The following SMARCAL1 variants were observed in gnomAD, a reference collection of about 807,000 sequenced individuals.
The protein encoded by SMARCAL1 is SNF2 related chromatin remodeling annealing helicase 1.
In SMARCAL1, 58 loss-of-function variants were observed where a neutral mutation model predicts 94.5. The observed-to-expected ratio is 0.61, with a 90% CI of 0.50 to 0.76. The LOEUF is 0.76. Ranked by LOEUF, SMARCAL1 falls within the 30% of genes least tolerant of loss-of-function variation. The pLI, the probability that SMARCAL1 is intolerant of heterozygous loss-of-function variation, is 0.00. For synonymous variants in SMARCAL1, 422 were observed against 455.1 expected, an observed-to-expected ratio of 0.93 and a Z score of 0.93; for missense variants, 1,051 against 1,177.9, an observed-to-expected ratio of 0.89 and a Z score of 1.58.
intron 6 of SMARCAL1, among the ~76,000 whole-genome samples, chr2:216,426,837 CAT>C (rs1475963620): frequency 6.6e-6 from 1 of 152,182 alleles, no homozygotes; most frequent in East Asian, 1.9e-4. Context: ...TGTCCTTCCT[CAT>C]GAGTGAAATT....
chr2:216,451,045 T>G lies in SMARCAL1; in HGVS notation c.2051T>G (p.Met684Arg). 6.2e-7 allele frequency: 1 copy of G among 1,614,110 alleles called. No individual in the cohort carries two copies. The highest frequency in any genetic ancestry group is 1.1e-5 in the South Asian group (1 of 91,074). ...RAALDAAAKE[M>R]TTKDKTKQQQ... ...GCCCTGGATGCTGCAGCCAAGGAAA[T>G]GACCACCAAGGACAAAACTGTGAGT... The change falls in exon 12 of 18, where the codon ATG becomes AGG. Residue 684 changes from methionine (M) to arginine (R), a missense_variant. By Grantham distance (91) the Met-to-Arg change is moderately conservative (BLOSUM62 -1). Transcript: ENST00000357276.
intron 10 of SMARCAL1, chr2:216,446,759 CT>C: frequency 1.6e-6 from 1 of 615,092 alleles, no homozygotes; most frequent in South Asian, 1.5e-5. Flanking sequence ...GGCTTGCAGT[CT>C]AACAAGGGAG....
intron 13 of SMARCAL1, among the ~76,000 whole-genome samples, chr2:216,466,722 GA>G (rs761296253): frequency 7.9e-5 from 12 of 152,156 alleles, no homozygotes; most frequent in South Asian, 2.1e-4. Flanking sequence ...TCACCAAGTG[GA>G]TTTTGTGGCC....
chr2:216,438,527 C>T (rs780197994), intron 10 of SMARCAL1, 42 bp downstream of exon 10: 1 of 1,566,924 alleles, frequency 6.4e-7, no homozygotes, highest in African/African-American at 1.3e-5. Context: ...CATTGGCATC[C>T]CATAATATTT....
intron 9 of SMARCAL1, among the ~76,000 whole-genome samples, chr2:216,437,557 A>C (rs988048839): frequency 6.6e-6 from 1 of 152,210 alleles, no homozygotes; most frequent in Non-Finnish European, 1.5e-5. Context: ...TCAGACTCAC[A>C]GCAACCTAAT....
intron 10 of SMARCAL1, among the ~76,000 whole-genome samples, chr2:216,440,731 A>G (rs905295584): frequency 6.6e-6 from 1 of 152,078 alleles, no homozygotes; most frequent in Non-Finnish European, 1.5e-5. Flanking sequence ...TTTCGTCTAG[A>G]TTGGAGTCTC....
chr2:216,477,644 G>A (rs189585755), intron 16 of SMARCAL1, among the ~76,000 whole-genome samples: 242 of 152,262 alleles, frequency 1.6e-3, no homozygotes, highest in Middle Eastern at 6.8e-3. Context: ...GGGAGAAAGT[G>A]GCTTACCCTG....
At chr2:216,416,437 A>G (rs575140015) in intron 4 of SMARCAL1, 130 bp downstream of exon 4, 3 of 770,518 alleles carry the variant, frequency 3.9e-6, no homozygotes, top group East Asian at 2.6e-5. Context: ...ACCCCCCCCA[A>G]CACTCCTTCC....
Position 216,413,389 on chromosome 2 carries a change from A to T in SMARCAL1, c.-95-467A>T, listed in dbSNP as rs1259042789. Among the ~76,000 whole-genome samples the T allele has an allele frequency of 2.6e-5, 4 of 152,222 alleles. No individual in the cohort carries two copies. The East Asian group carries it at 7.7e-4, about 29-fold the overall frequency. The stretch of plus-strand genomic sequence containing the variant: ...GTAAACATGTCTCAGCTCATAGGAA[A>T]ATAAATGTTCCGGGTAAATTCATGG... On this transcript the variant is annotated intron_variant, in intron 1 of 17. Transcript: ENST00000357276.
In SMARCAL1 at chr2:216,425,552, C is replaced by T. The variant is rs113578050; in HGVS notation, c.1147+1869C>T. ...GAGCATGTCACTGCCTGCAGCTTGG[C>T]GAGCAGACCAAGAATGTGTTATAGC... On this transcript the variant is annotated intron_variant, in intron 6 of 17. Transcript: ENST00000357276. Among the ~76,000 whole-genome samples the T allele has an allele frequency of 3.1e-3, 474 of 152,312 alleles. 1 individual carries two copies. Among genetic ancestry groups the T allele is most frequent in the African/African-American group, 0.011 (458 of 41,568 alleles).
At chr2:216,479,576 T>G in intron 17 of SMARCAL1, among the ~76,000 whole-genome samples, 1 of 128,184 alleles carries the variant, frequency 7.8e-6, no homozygotes, top group Non-Finnish European at 1.7e-5. Flanking sequence ...TTGCAAGGAT[T>G]TATTTGCTAA....
At chr2:216,431,352 C>T (rs1192789208) in intron 7 of SMARCAL1, among the ~76,000 whole-genome samples, 6 of 152,170 alleles carry the variant, frequency 3.9e-5, no homozygotes, top group Non-Finnish European at 8.8e-5. Context: ...GGATTCTGAG[C>T]AAATGATCTA....
At position 216,432,685 on chromosome 2, in the gene SMARCAL1, G is replaced by C. The variant is rs549148200; in HGVS notation, c.1335-33G>C. The C allele has an allele frequency of 2.5e-6, 4 of 1,613,868 alleles. No individual in the cohort carries two copies. In the African/African-American group the frequency reaches 4.0e-5, roughly 16 times the overall value. ...GAGGGCAGATGAACTCATGCCCCGG[G>C]AAATGTGCCATCCTCACCTTGTCTG... On this transcript the variant is annotated intron_variant, in intron 7 of 17. Transcript: ENST00000357276.
intron 12 of SMARCAL1, among the ~76,000 whole-genome samples, chr2:216,461,343 T>C (rs1694696990): frequency 6.6e-6 from 1 of 151,912 alleles, no homozygotes; most frequent in Non-Finnish European, 1.5e-5. Flanking sequence ...TTTCTATAAT[T>C]ATGTGTGTAT....
At chr2:216,443,568 C>T (rs756493568) in intron 10 of SMARCAL1, among the ~76,000 whole-genome samples, 6 of 152,212 alleles carry the variant, frequency 3.9e-5, no homozygotes, top group Non-Finnish European at 8.8e-5. Flanking sequence ...GCAATGCTCA[C>T]TTAGCTTGAA....
intron 12 of SMARCAL1, among the ~76,000 whole-genome samples, chr2:216,454,223 A>G (rs1694508583): frequency 6.6e-6 from 1 of 152,250 alleles, no homozygotes; most frequent in Non-Finnish European, 1.5e-5. Flanking sequence ...GTAGCTGGCA[A>G]AAGAAGTAAG....
intron 11 of SMARCAL1, among the ~76,000 whole-genome samples, chr2:216,447,744 G>A (rs1436590427): frequency 6.6e-6 from 1 of 152,200 alleles, no homozygotes; most frequent in Non-Finnish European, 1.5e-5. Flanking sequence ...GGCTCTGTGA[G>A]TGCAGTGCCA....
chr2:216,477,947 G>T (rs922146961), intron 16 of SMARCAL1, among the ~76,000 whole-genome samples: 11 of 152,160 alleles, frequency 7.2e-5, no homozygotes, highest in Non-Finnish European at 1.3e-4. Context: ...GTGTTGAAAT[G>T]AGGCAGCATT....
intron 11 of SMARCAL1, among the ~76,000 whole-genome samples, chr2:216,449,456 G>C (rs1220011936): frequency 2.0e-5 from 3 of 151,696 alleles, no homozygotes; most frequent in African/African-American, 4.9e-5. Context: ...AGAACCTCAT[G>C]CTGAGCTCAT....
Sources: gnomAD v4.1 joint callset for allele counts (sites outside exome capture counted in the v4.1 genomes callset) on GRCh38, gnomAD v4.1.1 for gene constraint, MANE v1.5 for transcripts, NCBI Gene and HGNC (gene_info 2026-07-23, HGNC 2026-07-21) for gene names.